Variants in CTSK observed in about 807,000 individuals in gnomAD.
CTSK encodes cathepsin O.
A neutral mutation model predicts 40.5 loss-of-function variants in CTSK; 26 were observed. The observed-to-expected ratio is 0.64, with a 90% CI of 0.47 to 0.89. CTSK has a LOEUF of 0.89. CTSK is among the 40% of genes least tolerant of loss of function. The probability of loss-of-function intolerance (pLI) is 0.00; values close to 1 mark genes in which losing one functional copy is unlikely to be tolerated. For synonymous variants in CTSK, 132 were observed against 143.2 expected (o/e 0.92, Z 0.56); for missense variants, 292 against 400.1 (o/e 0.73, Z 2.30).
chr1:150,806,076 G>A (rs1654086406), intron 3 of CTSK, 26 bp downstream of exon 3: 2 of 1,614,162 alleles, frequency 1.2e-6, no homozygotes, highest in East Asian at 2.2e-5. Flanking sequence ...TGGTGCAGGT[G>A]GGACAGGAGC....
chr1:150,802,575 G>C (rs1216395695), intron 5 of CTSK, among the ~76,000 whole-genome samples: 1 of 151,928 alleles, frequency 6.6e-6, no homozygotes, highest in East Asian at 1.9e-4. Context: ...CATCATACCT[G>C]GCTACTTTTA....
At chr1:150,807,714 T>G (rs1482242992) in intron 1 of CTSK, among the ~76,000 whole-genome samples, 1 of 152,244 alleles carries the variant, frequency 6.6e-6, no homozygotes, top group East Asian at 1.9e-4. Flanking sequence ...AAGAACAATT[T>G]GCAGCCTGCA....
chr1:150,806,849 G>A (rs1318191717), intron 1 of CTSK, 43 bp from the exon 2 acceptor site: 2 of 1,608,916 alleles, frequency 1.2e-6, no homozygotes, highest in Non-Finnish European at 1.7e-6. Context: ...CATTTGGCAG[G>A]GAAACAGAGG....
At chr1:150,803,882 C>A in intron 5 of CTSK, 139 bp downstream of exon 5, 1 of 814,314 alleles carries the variant, frequency 1.2e-6, no homozygotes. Flanking sequence ...TCTTCTTGGC[C>A]TTCTGTGGGA....
In CTSK at chr1:150,799,619, T is replaced by C; in HGVS notation, c.709A>G (p.Arg237Gly). The C allele has an allele frequency of 2.5e-6, 4 of 1,614,182 alleles. No homozygotes were observed. Among genetic ancestry groups the C allele is most frequent in the Non-Finnish European group, 3.4e-6 (4 of 1,180,024 alleles). ...IPEGNEKALKRAVARVGPVSV... is the reference protein window; with the variant it reads ...IPEGNEKALKGAVARVGPVSV... ...ACAGGTCCCACTCGGGCCACTGCCC[T>C]CTTCAGGGCTTTCTCATTCCCCTCG... Residue 237 changes from arginine to glycine, a missense_variant, in exon 6 of 8, where the codon AGG (arginine) becomes GGG (glycine). Transcript: ENST00000271651.
chr1:150,799,090 AG>A (rs1653930271), intron 7 of CTSK, 77 bp downstream of exon 7: 4 of 962,112 alleles, frequency 4.2e-6, no homozygotes, highest in Non-Finnish European at 6.8e-6. Context: ...GGACAGAGAA[AG>A]GAATATCGGG....
intron 5 of CTSK, 144 bp downstream of exon 5, chr1:150,803,877 T>C (rs1571126174): frequency 2.6e-6 from 2 of 781,972 alleles, no homozygotes; most frequent in African/African-American, 3.4e-5. Flanking sequence ...GGAAATCTTC[T>C]TGGCCTTCTG....
intron 7 of CTSK, 79 bp from the exon 8 acceptor site, chr1:150,796,977 G>C: frequency 1.0e-6 from 1 of 968,658 alleles, no homozygotes; most frequent in Non-Finnish European, 1.7e-6. Context: ...ATTGTGCGAG[G>C]TACTGATGGT....
In CTSK at chr1:150,802,052, C is replaced by A. The variant is rs1469821144; in HGVS notation, c.618+1969G>T. On this transcript the variant is annotated intron_variant, in intron 5 of 7. Coordinates refer to ENST00000271651, the MANE Select transcript of CTSK (RefSeq NM_000396.4). The stretch of plus-strand genomic sequence containing the variant: ...CAGCACTTTGGGAGGCCGAGGCGGG[C>A]GGACCACCTGAGGTCAGGGGTTCAA... Among the ~76,000 whole-genome samples, 5 of 146,088 alleles carry A rather than the reference C, an allele frequency of 3.4e-5. No homozygotes were observed. The East Asian group carries it at 8.5e-4, about 25-fold the overall frequency.
rs775419550 is a variant in CTSK at position 150,799,492 on chromosome 1, A to G, written c.784+52T>C. 6 of 1,605,860 alleles carry G rather than the reference A, an allele frequency of 3.7e-6. No homozygotes were observed. The Admixed American group carries it at 6.7e-5, about 18-fold the overall frequency. On this transcript the variant is annotated intron_variant, in intron 6 of 7. Transcript: ENST00000271651. ...AATACCCAAGGTCCTTCGAGAAACC[A>G]TCAAGTTTGTATCATAAAAGACAGT...
chr1:150,799,361 T>C, intron 6 of CTSK, 88 bp from the exon 7 acceptor site: 1 of 1,257,490 alleles, frequency 8.0e-7, no homozygotes, highest in Non-Finnish European at 1.2e-6. Flanking sequence ...TTTGAAGAAT[T>C]CCATCCGTGT....
At chr1:150,807,954 A>G (rs1654150262) in intron 1 of CTSK, among the ~76,000 whole-genome samples, 1 of 152,102 alleles carries the variant, frequency 6.6e-6, no homozygotes, top group African/African-American at 2.4e-5. Context: ...CAGAAAGGCC[A>G]CTCTTGAAGG....
intron 5 of CTSK, among the ~76,000 whole-genome samples, chr1:150,802,084 C>T (rs1654001798): frequency 6.6e-6 from 1 of 150,758 alleles, no homozygotes; most frequent in Admixed American, 6.6e-5. Flanking sequence ...TCAAGACCAG[C>T]CTGGCCAACA....
At position 150,796,505 on chromosome 1, in the gene CTSK, A is replaced by G; in HGVS notation, c.*294T>C. 1.9e-6 allele frequency: 1 copy of G among 532,084 alleles called. No homozygotes were observed. The highest frequency in any genetic ancestry group is 3.4e-5 in the East Asian group (1 of 29,214). 33.0% of individuals were successfully genotyped at this position (532,084 alleles called of 1,614,324 possible). On this transcript the variant is annotated 3_prime_UTR_variant, in exon 8 of 8. Transcript: ENST00000271651. Reference sequence around the variant, plus strand: ...GAAAATCTCCAGCCTGTACCTGTACAGCATCAGCCCTGGGACAACACAGTC... The same window carrying G: ...GAAAATCTCCAGCCTGTACCTGTACGGCATCAGCCCTGGGACAACACAGTC...
At chr1:150,799,081 G>A in intron 7 of CTSK, 87 bp downstream of exon 7, 2 of 914,722 alleles carry the variant, frequency 2.2e-6, no homozygotes, top group East Asian at 2.4e-5. Flanking sequence ...CTTGATTTGG[G>A]ACAGAGAAAG....
rs1654040870 is a variant in CTSK, at chr1:150,804,035, G to C, written c.604C>G (p.Pro202Ala). 6.2e-7 allele frequency: 1 copy of C among 1,614,066 alleles called. No homozygotes were observed. Among genetic ancestry groups the C allele is most frequent in the Non-Finnish European group, 8.5e-7 (1 of 1,179,936 alleles). The part of the protein sequence containing the change: ...NRGIDSEDAY[P>A]YVGQEESCMY... Reference sequence around the variant, plus strand: ...AGCAATCTCACCTGTCCCACATATGGGTAGGCATCTTCAGAGTCAATACCC... The same window carrying C: ...AGCAATCTCACCTGTCCCACATATGCGTAGGCATCTTCAGAGTCAATACCC... The change falls in exon 5 of 8, where the codon CCA becomes GCA. Residue 202 changes from proline to alanine, a missense_variant. Transcript: ENST00000271651.
rs1312713380 is a variant in CTSK at position 150,807,106 on chromosome 1, A to G, written c.-1-300T>C. On this transcript the variant is annotated intron_variant, in intron 1 of 7. Coordinates refer to ENST00000271651, the MANE Select transcript of CTSK (RefSeq NM_000396.4). The stretch of plus-strand genomic sequence containing the variant: ...CACACACACACACACACACACACAC[A>G]CACACACACACACACACACGTACAC... 2.0e-5 allele frequency: 9 copies of G among 446,904 alleles called. No individual in the cohort carries two copies. In the East Asian group the frequency reaches 4.8e-4, roughly 24 times the overall value. The allele number at this position is 446,904 out of a possible 1,614,324, so 27.7% of individuals were successfully genotyped here.
In CTSK at chr1:150,799,740, G is replaced by C. The variant is rs587651389; in HGVS notation, c.619-31C>G. 8 of 1,608,506 alleles carry C rather than the reference G, an allele frequency of 5.0e-6. No individual in the cohort carries two copies. In the East Asian group the frequency reaches 1.6e-4, roughly 31 times the overall value. On this transcript the variant is annotated intron_variant, in intron 5 of 7. Transcript: ENST00000271651. ...AGAAACAAGATTGTAATAGGACTAG[G>C]ACAAAGCAATAGGCAATGAGTCAGT...
At chr1:150,801,624 C>T (rs1653990651) in intron 5 of CTSK, among the ~76,000 whole-genome samples, 1 of 151,398 alleles carries the variant, frequency 6.6e-6, no homozygotes, top group Admixed American at 6.6e-5. Context: ...CTGCAAGCTC[C>T]ACCTCCCGGG....
Sources: allele counts gnomAD v4.1 joint callset (sites outside exome capture counted in the v4.1 genomes callset), GRCh38; gene constraint gnomAD v4.1.1; transcripts MANE v1.5; gene names NCBI Gene and HGNC (gene_info 2026-07-23, HGNC 2026-07-21).